SP140L: variants seen among roughly 807,000 people sequenced by gnomAD.
The protein encoded by SP140L is SP140 like nuclear body protein, also known as nuclear body protein SP140-like protein.
In SP140L, 64 loss-of-function variants were observed where a neutral mutation model predicts 84.3. The ratio of observed to expected loss-of-function variants is 0.76; its 90% CI spans 0.62 to 0.94. SP140L has a LOEUF of 0.94. Among genes scored for constraint, SP140L ranks in the 40% least tolerant of loss-of-function variants. The probability of loss-of-function intolerance (pLI) is 0.00; values close to 1 mark genes in which losing one functional copy is unlikely to be tolerated. For missense variants in SP140L, 628 were observed against 692.5 expected (o/e 0.91, Z 1.05); for synonymous variants, 242 against 236.9 (o/e 1.02, Z -0.20).
intron 4 of SP140L, among the ~76,000 whole-genome samples, chr2:230,361,172 G>A (rs1241237500): frequency 7.2e-5 from 11 of 152,022 alleles, no homozygotes; most frequent in Non-Finnish European, 1.3e-4. Context: ...GGCTGGTCTC[G>A]AAATCCTAGG....
chr2:230,398,536 C>T (rs2062161881), intron 14 of SP140L, among the ~76,000 whole-genome samples: 2 of 152,204 alleles, frequency 1.3e-5, no homozygotes, highest in Admixed American at 1.3e-4. Context: ...AATTCACAGA[C>T]CCTTTGAAAG....
chr2:230,381,127 C>G (rs1206973576), intron 7 of SP140L, among the ~76,000 whole-genome samples: 3 of 138,596 alleles, frequency 2.2e-5, no homozygotes, highest in African/African-American at 8.2e-5. Flanking sequence ...CTGAGGAAAC[C>G]CATGGGGTTT....
chr2:230,371,704 T>A (rs758743874), intron 7 of SP140L, 53 bp downstream of exon 7: 2 of 1,431,064 alleles, frequency 1.4e-6, no homozygotes, highest in Non-Finnish European at 1.9e-6. Context: ...ACATTTTTAA[T>A]GCCAGAGTTT....
chr2:230,330,969 T>A (rs189795280), intron 2 of SP140L, among the ~76,000 whole-genome samples: 15 of 152,312 alleles, frequency 9.8e-5, no homozygotes, highest in Admixed American at 4.6e-4. Flanking sequence ...TGAGTAGCCA[T>A]CCTGGTAATC....
At chr2:230,394,642 G>A (rs73112344) in intron 13 of SP140L, among the ~76,000 whole-genome samples, 3,948 of 152,246 alleles carry the variant, frequency 0.026, 182 homozygotes, top group African/African-American at 0.089. Context: ...CCAACCAACC[G>A]ACTCTCCCTC....
In SP140L at chr2:230,399,197, C is replaced by T. The variant is rs150415202; in HGVS notation, c.1198-930C>T. 9.4e-3 allele frequency among the ~76,000 whole-genome samples: 1,439 copies of T among 152,284 alleles called. 23 individuals carry two copies. Among genetic ancestry groups the T allele is most frequent in the African/African-American group, 0.033 (1,391 of 41,544 alleles). On this transcript the variant is annotated intron_variant, in intron 14 of 18. Transcript: ENST00000415673. ...TATAATGTATTGGTCTCTATATTTGCTCTATAAATTCTGTTGGTTTTTAAT... is the reference window on the plus strand; with the variant it reads ...TATAATGTATTGGTCTCTATATTTGTTCTATAAATTCTGTTGGTTTTTAAT...
intron 11 of SP140L, 100 bp from the exon 12 acceptor site, chr2:230,391,987 C>T: frequency 6.6e-7 from 1 of 1,517,622 alleles, no homozygotes; most frequent in Middle Eastern, 1.7e-4. Context: ...TATTGATCTT[C>T]ATCACAAATT....
At position 230,369,922 on chromosome 2, in the gene SP140L, C is replaced by T. The variant is rs537144446; in HGVS notation, c.524-986C>T. Among the ~76,000 whole-genome samples, 133 of 148,014 alleles carry T rather than the reference C, an allele frequency of 9.0e-4. 3 individuals are homozygous for T. The highest frequency in any genetic ancestry group is 2.9e-3 in the African/African-American group (111 of 37,686). On this transcript the variant is annotated intron_variant, in intron 5 of 18. Coordinates refer to ENST00000415673, the MANE Select transcript of SP140L (RefSeq NM_138402.6). ...CCAAGTAGCTGGGATTACAGGCGCA[C>T]GCCACCACACCCAGCTAATTTTTGT...
chr2:230,369,315 G>A (rs1369716046), intron 5 of SP140L, among the ~76,000 whole-genome samples: 2 of 152,040 alleles, frequency 1.3e-5, no homozygotes, highest in Non-Finnish European at 2.9e-5. Context: ...GAGGCAGCTT[G>A]GTACTGGGAT....
rs185588355 is a variant in SP140L at position 230,338,516 on chromosome 2, G to T, written c.107+9685G>T. ...TTCTCCTGCCTAATTGCCCTGGCCA[G>T]AACTTCCAACACTATGTTGAATAGG... On this transcript the variant is annotated intron_variant, in intron 2 of 18. Transcript: ENST00000415673. Among the ~76,000 whole-genome samples the T allele has an allele frequency of 6.7e-3, 588 of 88,258 alleles. 14 individuals are homozygous for T. The highest frequency in any genetic ancestry group is 9.7e-3 in the South Asian group (22 of 2,262). The allele number at this position is 88,258 out of a possible 152,430, so 57.9% of individuals were successfully genotyped here.
intron 4 of SP140L, 141 bp from the exon 5 acceptor site, chr2:230,361,473 C>G (rs2060714721): frequency 1.5e-6 from 1 of 676,870 alleles, no homozygotes. Flanking sequence ...CATCTCTTCT[C>G]TGTCCCAGAA....
Position 230,402,880 on chromosome 2 carries a change from CA to C in SP140L, c.1730del (p.Asn577MetfsTer11), listed in dbSNP as rs775408641. ...AAGGAAGTGTTTGCTATTCAGGAAA[CA>C]AATGGGAACAGTTGACTGGTTTAGT... ...DFKEVFAIQE[T>X]NGNS On this transcript the variant is annotated frameshift_variant, in exon 19 of 19. Transcript: ENST00000415673. LOFTEE classifies it high-confidence loss of function. The C allele has an allele frequency of 3.1e-6, 5 of 1,612,052 alleles. No homozygotes were observed. In the Admixed American group the frequency reaches 8.4e-5, roughly 27 times the overall value.
intron 11 of SP140L, among the ~76,000 whole-genome samples, chr2:230,391,429 G>A (rs1336802360): frequency 6.6e-6 from 1 of 152,152 alleles, no homozygotes; most frequent in Non-Finnish European, 1.5e-5. Context: ...GTGTGATGTG[G>A]TATCTCATTG....
At chr2:230,342,340 C>T (rs1052646189) in intron 2 of SP140L, among the ~76,000 whole-genome samples, 4 of 152,240 alleles carry the variant, frequency 2.6e-5, no homozygotes, top group Non-Finnish European at 5.9e-5. Context: ...AATGCCTCGC[C>T]CTGCTTCCGC....
At chr2:230,380,761 T>C (rs11679026) in intron 7 of SP140L, among the ~76,000 whole-genome samples, 37,859 of 152,112 alleles carry the variant, frequency 0.25, 5,207 homozygotes, top group Non-Finnish European at 0.3. Flanking sequence ...TGAGATTTAT[T>C]TCACTCAGCA....
chr2:230,361,748 G>A, intron 5 of SP140L, 51 bp downstream of exon 5: 1 of 1,407,666 alleles, frequency 7.1e-7, no homozygotes, highest in Non-Finnish European at 9.8e-7. Context: ...AGGAAAAGGA[G>A]ACAAGGGAGG....
intron 2 of SP140L, among the ~76,000 whole-genome samples, chr2:230,346,371 T>C (rs926301500): frequency 2.0e-5 from 3 of 152,200 alleles, no homozygotes; most frequent in African/African-American, 7.2e-5. Context: ...AATTGTATTG[T>C]TGAACCTGTT....
Position 230,357,813 on chromosome 2 carries a change from C to T in SP140L, c.116C>T (p.Thr39Met), listed in dbSNP as rs377606865. 4.0e-5 allele frequency: 64 copies of T among 1,609,870 alleles called. 1 individual carries two copies. The highest frequency in any genetic ancestry group is 1.9e-4 in the African/African-American group (14 of 74,662). ...AHSQSLQRLF[T>M]EDQDVDEGLV... is the part of the protein sequence containing the mutation. ...GTGTCCTTTTTCCTTAGGCTGTTCA[C>T]GGAAGACCAGGATGTAGATGAGGGA... The change falls in exon 3 of 19, where the codon ACG (threonine) becomes ATG (methionine). Residue 39 changes from threonine (T) to methionine (M), a missense_variant. Thr to Met is a moderately conservative substitution (Grantham distance 81, BLOSUM62 -1). Coordinates refer to ENST00000415673, the MANE Select transcript of SP140L (RefSeq NM_138402.6).
intron 2 of SP140L, among the ~76,000 whole-genome samples, chr2:230,348,997 C>T (rs192330094): frequency 1.3e-5 from 2 of 152,344 alleles, no homozygotes; most frequent in African/African-American, 4.8e-5. Flanking sequence ...GATGCATGCT[C>T]ATGAAGCCAG....
Sources: gnomAD v4.1 joint callset for allele counts (sites outside exome capture counted in the v4.1 genomes callset) on GRCh38, gnomAD v4.1.1 for gene constraint, MANE v1.5 for transcripts, NCBI Gene and HGNC (gene_info 2026-07-23, HGNC 2026-07-21) for gene names.